The following ADK variants were observed in gnomAD, a reference collection of about 807,000 sequenced individuals.
ADK encodes the protein adenosine kinase, also known as N6,N6-dimethyladenosine kinase.
In ADK, 24 loss-of-function variants were observed where a neutral mutation model predicts 44.7. That is an observed-to-expected ratio of 0.54 (90% CI 0.39 to 0.76). The LOEUF (loss-of-function observed/expected upper bound fraction) is 0.76. ADK is among the 30% of genes least tolerant of loss of function. ADK has a pLI of 0.00. For missense variants in ADK, 321 were observed against 425.1 expected (o/e 0.76, Z 2.15); for synonymous variants, 128 against 142.6 (o/e 0.90, Z 0.73).
chr10:74,174,358 C>T (rs886352431), intron 1 of ADK: 11 of 131,644 alleles, frequency 8.4e-5, no homozygotes, highest in Non-Finnish European at 1.6e-5. Context: ...TAAAGTCATA[C>T]AGGTAATAGG....
chr10:74,263,782 G>A (rs931638331), intron 3 of ADK, among the ~76,000 whole-genome samples: 15 of 152,076 alleles, frequency 9.9e-5, no homozygotes, highest in African/African-American at 2.9e-4. Flanking sequence ...CCTCTCCTTC[G>A]GCTCGCTTTT....
intron 3 of ADK, among the ~76,000 whole-genome samples, chr10:74,251,332 C>T (rs1444670239): frequency 1.3e-5 from 2 of 152,086 alleles, no homozygotes; most frequent in African/African-American, 4.8e-5. Context: ...TGTCATTAAA[C>T]CTCTCAAATC....
chr10:74,304,243 CTT>C (rs952118085), intron 3 of ADK, among the ~76,000 whole-genome samples: 1 of 143,980 alleles, frequency 6.9e-6, no homozygotes. Context: ...TCATTTACTT[CTT>C]TTTTTTTTTA....
At chr10:74,611,103 C>T (rs1303698891) in intron 9 of ADK, among the ~76,000 whole-genome samples, 2 of 152,122 alleles carry the variant, frequency 1.3e-5, no homozygotes, top group Non-Finnish European at 2.9e-5. Flanking sequence ...TCATGGCTCA[C>T]TGCAACCTCA....
At chr10:74,660,893 G>A (rs757315768) in intron 9 of ADK, among the ~76,000 whole-genome samples, 3 of 151,972 alleles carry the variant, frequency 2.0e-5, no homozygotes, top group Non-Finnish European at 4.4e-5. Context: ...TTAGCTGGGC[G>A]TGGTGGCACG....
At chr10:74,667,116 C>G (rs1347545433) in intron 9 of ADK, among the ~76,000 whole-genome samples, 7 of 152,082 alleles carry the variant, frequency 4.6e-5, no homozygotes, top group African/African-American at 1.7e-4. Context: ...CAGGCATGAG[C>G]CACTGTGCCC....
rs149778237 is a variant in ADK, at chr10:74,281,699, A to G, written c.195-32968A>G. On this transcript the variant is annotated intron_variant, in intron 3 of 10. Coordinates refer to ENST00000539909, the MANE Select transcript of ADK (RefSeq NM_006721.4). ...TTATTTTAGCTAGCTAAGAAAAAAA[A>G]TCTGAGTAAATACCATAAGGTTCAG... Among the ~76,000 whole-genome samples, 68 of 152,350 alleles carry G rather than the reference A, an allele frequency of 4.5e-4. No individual in the cohort carries two copies. In the East Asian group the frequency reaches 0.013, roughly 29 times the overall value.
intron 3 of ADK, among the ~76,000 whole-genome samples, chr10:74,244,774 A>G (rs1040118550): frequency 3.3e-5 from 5 of 152,192 alleles, no homozygotes; most frequent in Admixed American, 3.3e-4. Context: ...CTATTTTTAC[A>G]AAGGAAAGAG....
intron 10 of ADK, among the ~76,000 whole-genome samples, chr10:74,685,075 C>G (rs978506598): frequency 1.3e-5 from 2 of 152,086 alleles, no homozygotes; most frequent in African/African-American, 4.8e-5. Context: ...TGAACACTAC[C>G]TGACCTCTTC....
chr10:74,308,071 A>G (rs1279353753), intron 3 of ADK, among the ~76,000 whole-genome samples: 1 of 152,208 alleles, frequency 6.6e-6, no homozygotes, highest in Non-Finnish European at 1.5e-5. Flanking sequence ...AACCTAATGC[A>G]CTTATCATGC....
intron 9 of ADK, among the ~76,000 whole-genome samples, chr10:74,662,385 A>G (rs1854767075): frequency 6.6e-6 from 1 of 152,102 alleles, no homozygotes; most frequent in Admixed American, 6.6e-5. Context: ...GGCTCAAGCG[A>G]TCCTCCCACC....
At position 74,616,643 on chromosome 10, in the gene ADK, G is replaced by T. The variant is rs574233713; in HGVS notation, c.877+16150G>T. On this transcript the variant is annotated intron_variant, in intron 9 of 10. Transcript: ENST00000539909. The stretch of plus-strand genomic sequence containing the variant: ...GGTTTATAATCAGTCTTTTTATCTG[G>T]CAATGTCAGTCTTCTGAGTTTGTTC... Among the ~76,000 whole-genome samples the T allele has an allele frequency of 4.6e-5, 7 of 152,060 alleles. No individual in the cohort carries two copies. In the South Asian group the frequency reaches 1.5e-3, roughly 32 times the overall value.
chr10:74,324,996 T>C (rs1233039700), intron 4 of ADK, among the ~76,000 whole-genome samples: 1 of 152,224 alleles, frequency 6.6e-6, no homozygotes, highest in Non-Finnish European at 1.5e-5. Flanking sequence ...TGTGGTTCTA[T>C]ATGAATTTTA....
chr10:74,585,758 A>G (rs549369425), intron 7 of ADK, among the ~76,000 whole-genome samples: 2 of 152,228 alleles, frequency 1.3e-5, no homozygotes, highest in East Asian at 3.8e-4. Flanking sequence ...CACATGTCAC[A>G]TCCACTCTGT....
chr10:74,164,959 A>T (rs1841998717), intron 1 of ADK, among the ~76,000 whole-genome samples: 1 of 152,232 alleles, frequency 6.6e-6, no homozygotes, highest in Non-Finnish European at 1.5e-5. Flanking sequence ...AAAACAGGTT[A>T]AAGCAGGCTC....
chr10:74,542,915 T>TA (rs1465968822), intron 7 of ADK, among the ~76,000 whole-genome samples: 1 of 151,754 alleles, frequency 6.6e-6, no homozygotes, highest in African/African-American at 2.4e-5. Context: ...TTTATTTTTT[T>TA]AATGAGATGG....
At chr10:74,490,499 T>A (rs540827432) in intron 6 of ADK, among the ~76,000 whole-genome samples, 1 of 152,256 alleles carries the variant, frequency 6.6e-6, no homozygotes, top group Admixed American at 6.5e-5. Context: ...ACTGTATCAC[T>A]TTTTAGTATA....
At chr10:74,537,575 A>G (rs1170743417) in intron 7 of ADK, among the ~76,000 whole-genome samples, 2 of 152,136 alleles carry the variant, frequency 1.3e-5, no homozygotes, top group African/African-American at 4.8e-5. Context: ...CTTGTTTTTC[A>G]TTTTTATTAA....
intron 4 of ADK, among the ~76,000 whole-genome samples, chr10:74,384,562 C>T (rs1004348582): frequency 6.6e-6 from 1 of 152,068 alleles, no homozygotes; most frequent in Non-Finnish European, 1.5e-5. Flanking sequence ...CCCAGCTACT[C>T]AGGAGGCTGG....
Sources: allele counts gnomAD v4.1 joint callset (sites outside exome capture counted in the v4.1 genomes callset), GRCh38; gene constraint gnomAD v4.1.1; transcripts MANE v1.5; gene names NCBI Gene and HGNC (gene_info 2026-07-23, HGNC 2026-07-21).